The following POLR2F variants were observed in gnomAD, a reference collection of about 807,000 sequenced individuals.
POLR2F encodes RNA polymerase II, I and III subunit F.
POLR2F carries 12 observed loss-of-function variants against 22.7 expected under a neutral mutation model. The observed-to-expected ratio is 0.53, with a 90% CI of 0.34 to 0.86. The LOEUF is 0.86. POLR2F is among the 40% of genes least tolerant of loss of function. The pLI is 0.02. For missense variants in POLR2F, 126 were observed against 171.5 expected (o/e 0.73, Z 1.48); for synonymous variants, 57 against 66.0 (o/e 0.86, Z 0.66).
intron 1 of POLR2F, among the ~76,000 whole-genome samples, chr22:38,012,602 G>T (rs1042182750): frequency 6.6e-6 from 1 of 152,074 alleles, no homozygotes; most frequent in Non-Finnish European, 1.5e-5. Flanking sequence ...TGTTGTTGTT[G>T]TTGTCGTTGT....
rs1026594615 is a variant in POLR2F, at chr22:37,987,311, A to G, written c.120+999A>G. The G allele has an allele frequency of 2.6e-5, 12 of 456,536 alleles. No homozygotes were observed. In the Admixed American group the frequency reaches 2.8e-4, roughly 11 times the overall value. 28.3% of individuals were successfully genotyped at this position (456,536 alleles called of 1,614,324 possible). Reference sequence around the variant, plus strand: ...GGCAGGTCCCGGATTTACTCAGAAGATGGGCCCCAGAGAGGAGGAGAGGAA... The same window carrying G: ...GGCAGGTCCCGGATTTACTCAGAAGGTGGGCCCCAGAGAGGAGGAGAGGAA... On this transcript the variant is annotated intron_variant, in intron 1 of 2. Transcript: ENST00000333418.
At chr22:37,967,230 T>TCTGTTGCACC (rs757775763) in intron 4 of POLR2F, 60 bp downstream of exon 4, 17 of 1,603,006 alleles carry the variant, frequency 1.1e-5, no homozygotes, top group Non-Finnish European at 1.5e-5. Flanking sequence ...TGTTGGGCTC[T>TCTGTTGCACC]CTGTTGCACC....
At position 37,978,508 on chromosome 22, in the gene POLR2F, T is replaced by C. The variant is rs182290333; in HGVS notation, c.293+11338T>C. Among the ~76,000 whole-genome samples the C allele has an allele frequency of 3.7e-4, 56 of 152,306 alleles. No homozygotes were observed. The highest frequency in any genetic ancestry group is 1.3e-3 in the African/African-American group (54 of 41,572). On this transcript the variant is annotated intron_variant, in intron 4 of 4. Transcript: ENST00000405557. This position sits in a 1 kb window ranked among gnomAD's most constrained non-coding sequence, Gnocchi z 5.0. Reference sequence around the variant, plus strand: ...TCATCAAAGCTGTCTGCAAGTGGAATTGGCTACTTCAGTGGGGGTGAGCTC... The same window carrying C: ...TCATCAAAGCTGTCTGCAAGTGGAACTGGCTACTTCAGTGGGGGTGAGCTC...
intron 5 of POLR2F, among the ~76,000 whole-genome samples, chr22:38,039,493 TCCTCTCTTCCCAGGGCAGCC>T (rs2085151063): frequency 6.6e-6 from 1 of 152,102 alleles, no homozygotes. Flanking sequence ...CCAGGGCAGA[TCCTCTCTTCCCAGGGCAGCC>T]ACCCCCGCCT....
At chr22:38,020,613 A>G (rs370265952) in intron 1 of POLR2F, among the ~76,000 whole-genome samples, 1 of 151,652 alleles carries the variant, frequency 6.6e-6, no homozygotes, top group Admixed American at 6.6e-5. Flanking sequence ...GTGGTGATGC[A>G]CACCTGTAGT....
chr22:37,994,168 T>G (rs1371144029), intron 1 of POLR2F, among the ~76,000 whole-genome samples: 3 of 152,014 alleles, frequency 2.0e-5, no homozygotes, highest in Non-Finnish European at 4.4e-5. Context: ...GGGTGCAGAG[T>G]TGAGCTTACT....
rs1206474219 is a variant in POLR2F, at chr22:38,016,082, A to C, written c.121-9787A>C. On this transcript the variant is annotated intron_variant, in intron 1 of 2. Transcript: ENST00000333418. The surrounding 1 kb of genome is among the most constrained non-coding windows in gnomAD (Gnocchi z 4.4). ...CACTGCCCTAGGCTCCTACATACTC[A>C]TCCTCTATGTTCCCTTCACATTAGG... Among the ~76,000 whole-genome samples the C allele has an allele frequency of 6.6e-6, 1 of 151,950 alleles. No individual in the cohort carries two copies. The highest frequency in any genetic ancestry group is 1.9e-4 in the East Asian group (1 of 5,176).
At chr22:37,953,905 T>G (rs1257622295) in intron 1 of POLR2F, 98 bp downstream of exon 1, 1 of 1,398,570 alleles carries the variant, frequency 7.2e-7, no homozygotes, top group Non-Finnish European at 9.8e-7. Flanking sequence ...AGGGGCAATG[T>G]CTGAGGGGAC....
intron 5 of POLR2F, among the ~76,000 whole-genome samples, chr22:38,040,086 G>A (rs2085156358): frequency 6.6e-6 from 1 of 151,928 alleles, no homozygotes; most frequent in Non-Finnish European, 1.5e-5. Flanking sequence ...ACCAGCTTGG[G>A]CAACATAGGG....
downstream of POLR2F, chr22:37,974,234 G>C (rs769640076): frequency 2.6e-6 from 4 of 1,531,444 alleles, no homozygotes; most frequent in East Asian, 2.3e-5. The surrounding 1 kb of genome is among the most constrained non-coding windows in gnomAD (Gnocchi z 5.4). Context: ...AGAGCGCAAG[G>C]GGGAAGCAGG....
At chr22:38,022,323 G>A (rs1348475930) in intron 1 of POLR2F, among the ~76,000 whole-genome samples, 8 of 151,420 alleles carry the variant, frequency 5.3e-5, no homozygotes, top group African/African-American at 1.9e-4. Flanking sequence ...AGGCCGAGGC[G>A]GGCGGATCAC....
upstream of POLR2F, chr22:37,986,152 A>G (rs1932567269): frequency 3.9e-6 from 6 of 1,526,854 alleles, no homozygotes; most frequent in Non-Finnish European, 5.3e-6. This position sits in a 1 kb window ranked among gnomAD's most constrained non-coding sequence, Gnocchi z 4.7. Context: ...GCTTTTTAAC[A>G]GCGCCCGCTC....
upstream of POLR2F, among the ~76,000 whole-genome samples, chr22:37,985,724 A>G (rs1464904881): frequency 6.6e-6 from 1 of 151,888 alleles, no homozygotes; most frequent in African/African-American, 2.4e-5. Flanking sequence ...CATGCTTGGG[A>G]AAGTCCAAAG....
intron 1 of POLR2F, among the ~76,000 whole-genome samples, chr22:38,011,508 T>G (rs1314659523): frequency 6.6e-6 from 1 of 152,100 alleles, no homozygotes; most frequent in African/African-American, 2.4e-5. Context: ...TTGAGTGCTA[T>G]TTATTGAAAA....
chr22:37,987,702 G>C (rs1749755344), intron 1 of POLR2F: 1 of 276,066 alleles, frequency 3.6e-6, no homozygotes, highest in Admixed American at 4.8e-5. Flanking sequence ...ACTTTCAGAG[G>C]ACAGGGCTGA....
chr22:37,998,701 T>C (rs1053999396), intron 1 of POLR2F, among the ~76,000 whole-genome samples: 3 of 152,142 alleles, frequency 2.0e-5, no homozygotes. Flanking sequence ...GGGATGGCTT[T>C]GGCCACGGCC....
intron 2 of POLR2F, 41 bp downstream of exon 2, chr22:37,956,883 C>G: frequency 9.3e-6 from 14 of 1,502,622 alleles, no homozygotes; most frequent in Non-Finnish European, 1.3e-5. Context: ...GCAGCCCAAG[C>G]TGCCAAATCG....
downstream of POLR2F, chr22:37,973,473 G>T (rs751989851): frequency 2.7e-6 from 4 of 1,464,102 alleles, no homozygotes; most frequent in African/African-American, 4.2e-5. Flanking sequence ...CTGGGCGGGG[G>T]GTGGTGGCGA....
downstream of POLR2F, among the ~76,000 whole-genome samples, chr22:38,030,253 C>T (rs2085052098): frequency 6.6e-6 from 1 of 152,206 alleles, no homozygotes; most frequent in Non-Finnish European, 1.5e-5. Context: ...AGAGAACCCA[C>T]AAGCCCCCTG....
Sources: allele counts gnomAD v4.1 joint callset (sites outside exome capture counted in the v4.1 genomes callset), GRCh38; gene constraint gnomAD v4.1.1; non-coding constraint Gnocchi (gnomAD v3.1); transcripts MANE v1.5; gene names NCBI Gene and HGNC (gene_info 2026-07-23, HGNC 2026-07-21).